Variants in KLHL6 observed in about 807,000 individuals in gnomAD.
KLHL6 encodes the protein kelch-like protein 6.
A neutral mutation model predicts 58.6 loss-of-function variants in KLHL6; 41 were observed. The ratio of observed to expected loss-of-function variants is 0.70; its 90% CI spans 0.55 to 0.91. The LOEUF is 0.91. Among genes scored for constraint, KLHL6 ranks in the 40% least tolerant of loss-of-function variants. The probability of loss-of-function intolerance (pLI) is 0.00; values close to 1 mark genes in which losing one functional copy is unlikely to be tolerated. For missense variants in KLHL6, 714 were observed against 805.6 expected (o/e 0.89, Z 1.38); for synonymous variants, 338 against 322.7 (o/e 1.05, Z -0.51).
intron 5 of KLHL6, chr3:183,493,867 C>G: frequency 1.7e-6 from 1 of 581,188 alleles, no homozygotes; most frequent in Admixed American, 3.0e-5. Flanking sequence ...CACAGACCTT[C>G]ACCACTTGGA....
chr3:183,550,981 C>A (rs189597753), intron 1 of KLHL6, among the ~76,000 whole-genome samples: 1 of 151,672 alleles, frequency 6.6e-6, no homozygotes, highest in East Asian at 1.9e-4. Context: ...ATTAGCTGGG[C>A]GTGGTGGCGG....
At chr3:183,549,634 G>T (rs1041327657) in intron 1 of KLHL6, among the ~76,000 whole-genome samples, 3 of 152,116 alleles carry the variant, frequency 2.0e-5, no homozygotes, top group African/African-American at 7.2e-5. Context: ...TCAGCCTCCC[G>T]AGTAGCTGGG....
rs35625070 is a variant in KLHL6, at chr3:183,499,675, C to T, written c.1062G>A (p.Pro354=). The change falls in exon 4 of 7, where the codon CCG becomes CCA. Residue 354 remains proline (P), a synonymous_variant. Transcript: ENST00000341319. The surrounding 1 kb of genome is among the most constrained non-coding windows in gnomAD (Gnocchi z 4.6). ...CACTCTCCAGCTCATGCTCTGTTAGCGGGAGCTTGGCCACCTCCAGGCGGC... is the reference window on the plus strand; with the variant it reads ...CACTCTCCAGCTCATGCTCTGTTAGTGGGAGCTTGGCCACCTCCAGGCGGC... ...RRSRLEVAKL[P]LTEHELESEN... 1,938 of 1,611,826 alleles carry T rather than the reference C, an allele frequency of 1.2e-3. 11 individuals carry two copies. The highest frequency in any genetic ancestry group is 1.4e-3 in the Non-Finnish European group (1,665 of 1,179,100).
chr3:183,544,163 C>CAAAAAAAAAAAAAAA (rs56357226), intron 1 of KLHL6, among the ~76,000 whole-genome samples: 2 of 57,006 alleles, frequency 3.5e-5, no homozygotes, highest in African/African-American at 6.0e-5. Flanking sequence ...AACTCAGTCT[C>CAAAAAAAAAAAAAAA]AAAAAAAAAA....
In KLHL6 at chr3:183,499,628, A is replaced by T; in HGVS notation, c.1109T>A (p.Phe370Tyr). ...CTCATTTTTCAATGTCACGCATGCAAACTCCACCCACTTCTTATTCTCACT... is the reference window on the plus strand; with the variant it reads ...CTCATTTTTCAATGTCACGCATGCATACTCCACCCACTTCTTATTCTCACT... ...LESENKKWVE[F>Y]ACVTLKNEVY... is the part of the protein sequence containing the mutation. Residue 370 changes from phenylalanine (F) to tyrosine (Y), a missense_variant, in exon 4 of 7, where the codon TTT (phenylalanine) becomes TAT (tyrosine). Physicochemically the swap from Phe to Tyr is conservative, Grantham distance 22. Coordinates refer to ENST00000341319, the MANE Select transcript of KLHL6 (RefSeq NM_130446.4). This position sits in a 1 kb window ranked among gnomAD's most constrained non-coding sequence, Gnocchi z 4.6. 6.2e-7 allele frequency: 1 copy of T among 1,605,452 alleles called. No homozygotes were observed. Among genetic ancestry groups the T allele is most frequent in the Non-Finnish European group, 8.5e-7 (1 of 1,175,872 alleles).
At chr3:183,507,812 C>T (rs779753545) in intron 3 of KLHL6, among the ~76,000 whole-genome samples, 2 of 152,144 alleles carry the variant, frequency 1.3e-5, no homozygotes, top group Non-Finnish European at 2.9e-5. Flanking sequence ...GAAGCACGGG[C>T]CAGGCATGGT....
At chr3:183,516,624 C>T (rs1711573563) in intron 2 of KLHL6, among the ~76,000 whole-genome samples, 1 of 152,248 alleles carries the variant, frequency 6.6e-6, no homozygotes, top group South Asian at 2.1e-4. Flanking sequence ...TCCTCTGCTT[C>T]CCCATGACGT....
intron 1 of KLHL6, among the ~76,000 whole-genome samples, chr3:183,545,521 A>T (rs1047320683): frequency 6.6e-6 from 1 of 152,218 alleles, no homozygotes; most frequent in Non-Finnish European, 1.5e-5. Context: ...ATTGAAGAAT[A>T]GATTTTCTAA....
At chr3:183,505,375 T>C (rs1717973844) in intron 3 of KLHL6, among the ~76,000 whole-genome samples, 1 of 152,226 alleles carries the variant, frequency 6.6e-6, no homozygotes, top group Non-Finnish European at 1.5e-5. Flanking sequence ...CTTAAATACA[T>C]GGGATGCTGT....
chr3:183,493,711 G>C (rs1013839520), intron 5 of KLHL6: 1 of 266,008 alleles, frequency 3.8e-6, no homozygotes, highest in Non-Finnish European at 7.2e-6. Flanking sequence ...ATCCGCATGT[G>C]TCCAGTGTGG....
chr3:183,528,896 C>A (rs930625937), intron 1 of KLHL6, among the ~76,000 whole-genome samples: 1 of 152,066 alleles, frequency 6.6e-6, no homozygotes, highest in Non-Finnish European at 1.5e-5. Flanking sequence ...TAGAATCAAC[C>A]CAAATGCCCA....
chr3:183,509,883 G>T (rs1368344434), intron 2 of KLHL6, among the ~76,000 whole-genome samples: 1 of 152,066 alleles, frequency 6.6e-6, no homozygotes, highest in African/African-American at 2.4e-5. Context: ...AAGACTATGA[G>T]AATTTTTCTG....
intron 1 of KLHL6, among the ~76,000 whole-genome samples, chr3:183,552,922 G>A (rs1030982453): frequency 6.6e-6 from 1 of 151,978 alleles, no homozygotes; most frequent in East Asian, 1.9e-4. Flanking sequence ...GCTCACCGTC[G>A]GTAGGCTGGG....
intron 1 of KLHL6, 61 bp from the exon 2 acceptor site, chr3:183,528,071 A>T (rs1712037349): frequency 6.3e-7 from 1 of 1,586,372 alleles, no homozygotes; most frequent in Non-Finnish European, 8.6e-7. Flanking sequence ...GCCTAAAGAG[A>T]TCCCCTTTCA....
chr3:183,501,657 A>T (rs1168748763), intron 3 of KLHL6, among the ~76,000 whole-genome samples: 2 of 152,084 alleles, frequency 1.3e-5, no homozygotes, highest in African/African-American at 4.8e-5. Context: ...GACCTACGAA[A>T]GGCTCTCCTC....
At chr3:183,552,494 G>A (rs1228081523) in intron 1 of KLHL6, among the ~76,000 whole-genome samples, 5 of 152,058 alleles carry the variant, frequency 3.3e-5, no homozygotes, top group African/African-American at 9.6e-5. Flanking sequence ...CGAGGCGGGT[G>A]GATCTCGAGG....
In KLHL6 at chr3:183,492,552, C is replaced by A; in HGVS notation, c.1506G>T (p.Met502Ile). Residue 502 changes from methionine (M) to isoleucine (I), a missense_variant, in exon 6 of 7, where the codon ATG (methionine) becomes ATT (isoleucine). Physicochemically the swap from Met to Ile is conservative, Grantham distance 10 (BLOSUM62 1). This residue lies in a region of KLHL6 where 510 missense variants were observed against 629.7 expected (regional missense o/e 0.81). Coordinates refer to ENST00000341319, the MANE Select transcript of KLHL6 (RefSeq NM_130446.4). This position sits in a 1 kb window ranked among gnomAD's most constrained non-coding sequence, Gnocchi z 5.9. The stretch of plus-strand genomic sequence containing the variant: ...CATTGATGCATTTAGCCTCCACGGG[C>A]ATGGCCGCCTTCAAACTCCACTTGT... ...STNKWSLKAA[M>I]PVEAKCINAV... is the part of the protein sequence containing the mutation. 1 of 1,614,246 alleles carries A rather than the reference C, an allele frequency of 6.2e-7. No individual in the cohort carries two copies. The highest frequency in any genetic ancestry group is 8.5e-7 in the Non-Finnish European group (1 of 1,180,034).
intron 3 of KLHL6, among the ~76,000 whole-genome samples, chr3:183,500,935 A>G (rs1717849846): frequency 6.6e-6 from 1 of 152,210 alleles, no homozygotes; most frequent in Admixed American, 6.5e-5. Flanking sequence ...TCCAACCAAG[A>G]GCCACAAATA....
At chr3:183,534,191 T>C (rs775002886) in intron 1 of KLHL6, among the ~76,000 whole-genome samples, 1 of 78,020 alleles carries the variant, frequency 1.3e-5, no homozygotes. Context: ...TAATGTCATA[T>C]AGGGCTTGCC....
Sources: gnomAD v4.1 joint callset for allele counts (sites outside exome capture counted in the v4.1 genomes callset) on GRCh38, gnomAD v4.1.1 for gene constraint, gnomAD v4.1.1 regional missense constraint, Gnocchi (gnomAD v3.1) non-coding constraint, MANE v1.5 for transcripts, NCBI Gene and HGNC (gene_info 2026-07-23, HGNC 2026-07-21) for gene names.